The following CDH13 variants were observed in gnomAD, a reference collection of about 807,000 sequenced individuals.
CDH13 encodes cadherin-13.
A neutral mutation model predicts 63.8 loss-of-function variants in CDH13; 24 were observed. The ratio of observed to expected loss-of-function variants is 0.38; its 90% CI spans 0.27 to 0.53. The LOEUF (loss-of-function observed/expected upper bound fraction) is 0.53. Among genes scored for constraint, CDH13 ranks in the 20% least tolerant of loss-of-function variants. CDH13 has a pLI of 0.85. For synonymous variants in CDH13, 503 were observed against 355.3 expected (o/e 1.42, Z -4.67); for missense variants, 1,049 against 903.1 (o/e 1.16, Z -2.07).
chr16:83,260,273 T>C (rs1443946763), intron 5 of CDH13, among the ~76,000 whole-genome samples: 2 of 152,042 alleles, frequency 1.3e-5, no homozygotes, highest in South Asian at 2.1e-4. Flanking sequence ...TAAAAATGAA[T>C]TGTGAAACCT....
intron 7 of CDH13, among the ~76,000 whole-genome samples, chr16:83,552,842 A>G (rs188118431): frequency 6.6e-6 from 1 of 152,284 alleles, no homozygotes; most frequent in East Asian, 1.9e-4. Flanking sequence ...GCTCTTTGGG[A>G]GGCCAAGGTC....
At chr16:83,451,490 C>G (rs2072886078) in intron 6 of CDH13, among the ~76,000 whole-genome samples, 1 of 152,164 alleles carries the variant, frequency 6.6e-6, no homozygotes, top group South Asian at 2.1e-4. Context: ...GGGGACACAG[C>G]CAAACCATAC....
At chr16:83,679,583 T>C (rs1259489851) in intron 10 of CDH13, among the ~76,000 whole-genome samples, 1 of 152,228 alleles carries the variant, frequency 6.6e-6, no homozygotes, top group Admixed American at 6.5e-5. Flanking sequence ...GCGTGTGAAA[T>C]AATACCAAAT....
At chr16:82,934,499 C>A (rs1046583349) in intron 2 of CDH13, among the ~76,000 whole-genome samples, 1 of 152,206 alleles carries the variant, frequency 6.6e-6, no homozygotes, top group Non-Finnish European at 1.5e-5. Flanking sequence ...TGCAATTTCC[C>A]CATTGTCTTG....
chr16:83,111,131 C>A (rs968624289), intron 3 of CDH13, among the ~76,000 whole-genome samples: 4 of 151,440 alleles, frequency 2.6e-5, no homozygotes, highest in African/African-American at 9.7e-5. Flanking sequence ...GAGATGACGC[C>A]ACTGCACTCC....
intron 2 of CDH13, chr16:82,859,732 C>T (rs1368810446): frequency 8.0e-6 from 1 of 124,356 alleles, no homozygotes; most frequent in South Asian, 2.5e-4. Context: ...AAAGGAAAGA[C>T]AAGAAAAAAA....
At chr16:83,085,343 C>G (rs929491436) in intron 3 of CDH13, among the ~76,000 whole-genome samples, 1 of 152,134 alleles carries the variant, frequency 6.6e-6, no homozygotes, top group African/African-American at 2.4e-5. Flanking sequence ...CCCTAGGTCC[C>G]TCCCACAACA....
At chr16:83,601,966 G>A (rs539827363) in intron 7 of CDH13, among the ~76,000 whole-genome samples, 26 of 151,120 alleles carry the variant, frequency 1.7e-4, no homozygotes, top group Non-Finnish European at 2.2e-4. Flanking sequence ...GGTGATGGGC[G>A]CCTGTAATCC....
intron 4 of CDH13, among the ~76,000 whole-genome samples, chr16:83,206,362 C>G (rs911492473): frequency 1.3e-5 from 2 of 152,194 alleles, no homozygotes; most frequent in African/African-American, 4.8e-5. Flanking sequence ...TCATGCACAT[C>G]TCATGTCCCC....
At chr16:83,158,272 A>G (rs552980386) in intron 4 of CDH13, among the ~76,000 whole-genome samples, 1 of 152,206 alleles carries the variant, frequency 6.6e-6, no homozygotes, top group Non-Finnish European at 1.5e-5. Flanking sequence ...TCCTTCAACA[A>G]GATTGTTTCC....
At chr16:83,185,335 C>T (rs1385093998) in intron 4 of CDH13, among the ~76,000 whole-genome samples, 1 of 152,086 alleles carries the variant, frequency 6.6e-6, no homozygotes, top group African/African-American at 2.4e-5. Flanking sequence ...GGATAAAGCA[C>T]CTGACCTACT....
At chr16:83,695,265 A>G (rs991198717) in intron 10 of CDH13, among the ~76,000 whole-genome samples, 4 of 152,260 alleles carry the variant, frequency 2.6e-5, no homozygotes, top group African/African-American at 7.2e-5. Context: ...TAAGTAAAGC[A>G]GGATCATTGT....
chr16:83,322,352 A>C (rs2090249636), intron 5 of CDH13, among the ~76,000 whole-genome samples: 1 of 152,220 alleles, frequency 6.6e-6, no homozygotes, highest in Non-Finnish European at 1.5e-5. Flanking sequence ...AGAGAACATA[A>C]ATGAACTGCT....
chr16:82,813,670 A>G (rs377497660), intron 1 of CDH13, among the ~76,000 whole-genome samples: 1 of 152,050 alleles, frequency 6.6e-6, no homozygotes, highest in African/African-American at 2.4e-5. Flanking sequence ...GTCTCTCTCT[A>G]TTACCTTCTA....
At chr16:83,081,574 C>T (rs1295837062) in intron 3 of CDH13, among the ~76,000 whole-genome samples, 1 of 152,092 alleles carries the variant, frequency 6.6e-6, no homozygotes, top group Non-Finnish European at 1.5e-5. Flanking sequence ...TTTATTTCTC[C>T]CAGTTCTGGA....
intron 6 of CDH13, among the ~76,000 whole-genome samples, chr16:83,478,325 G>T (rs1017269708): frequency 2.0e-5 from 3 of 152,168 alleles, no homozygotes; most frequent in Admixed American, 6.5e-5. Context: ...CTTTACTCAT[G>T]TGAAGCTACC....
At chr16:83,621,008 G>T (rs1269863785) in intron 8 of CDH13, among the ~76,000 whole-genome samples, 2 of 152,084 alleles carry the variant, frequency 1.3e-5, no homozygotes, top group Admixed American at 6.6e-5. Context: ...TACGCAGCAG[G>T]GTCAGAGACC....
rs537890475 is a variant in CDH13, at chr16:83,007,266, C to G, written c.158-24744C>G. Reference sequence around the variant, plus strand: ...CATAGTGATGTTATGTTCATTGACACATTACTCTGTGCTAGGCACCGTGAC... The same window carrying G: ...CATAGTGATGTTATGTTCATTGACAGATTACTCTGTGCTAGGCACCGTGAC... On this transcript the variant is annotated intron_variant, in intron 2 of 13. Coordinates refer to ENST00000567109, the MANE Select transcript of CDH13 (RefSeq NM_001257.5). Among the ~76,000 whole-genome samples the G allele has an allele frequency of 2.0e-5, 3 of 152,296 alleles. No homozygotes were observed. The South Asian group carries it at 6.2e-4, about 32-fold the overall frequency.
At chr16:83,477,786 G>T (rs1235831237) in intron 6 of CDH13, among the ~76,000 whole-genome samples, 1 of 152,148 alleles carries the variant, frequency 6.6e-6, no homozygotes, top group Non-Finnish European at 1.5e-5. Flanking sequence ...ACCGAAGCTT[G>T]CCATAACCTC....
Sources: allele counts gnomAD v4.1 joint callset (sites outside exome capture counted in the v4.1 genomes callset), GRCh38; gene constraint gnomAD v4.1.1; transcripts MANE v1.5; gene names NCBI Gene and HGNC (gene_info 2026-07-23, HGNC 2026-07-21).